The following ESRRB variants were observed in gnomAD, a reference collection of about 807,000 sequenced individuals.
ESRRB encodes steroid hormone receptor ERR2.
A neutral mutation model predicts 46.0 loss-of-function variants in ESRRB; 16 were observed. The observed-to-expected ratio is 0.35, with a 90% CI of 0.24 to 0.53. The LOEUF (loss-of-function observed/expected upper bound fraction) is 0.53. ESRRB is among the 20% of genes least tolerant of loss of function. The pLI is 0.93. For missense variants in ESRRB, 488 were observed against 607.4 expected (o/e 0.80, Z 2.07); for synonymous variants, 246 against 259.6 (o/e 0.95, Z 0.50).
At chr14:76,459,277 G>A (rs569874784) in intron 2 of ESRRB, among the ~76,000 whole-genome samples, 13 of 152,124 alleles carry the variant, frequency 8.5e-5, no homozygotes, top group African/African-American at 1.9e-4. Context: ...CCGTGTGTGC[G>A]CATTGAGCGG....
chr14:76,375,129 C>T (rs574744543), upstream of ESRRB, among the ~76,000 whole-genome samples: 9 of 150,322 alleles, frequency 6.0e-5, no homozygotes, highest in African/African-American at 2.2e-4. Flanking sequence ...GAGGGCTTTT[C>T]CCCCCTTTTA....
At chr14:76,461,266 G>A (rs1423859358) in intron 2 of ESRRB, among the ~76,000 whole-genome samples, 1 of 152,154 alleles carries the variant, frequency 6.6e-6, no homozygotes, top group Non-Finnish European at 1.5e-5. Context: ...TCTGTAAAAT[G>A]GGAATAGTAT....
intron 2 of ESRRB, among the ~76,000 whole-genome samples, chr14:76,448,328 C>CTT (rs33918963): frequency 0.022 from 2,964 of 133,460 alleles, 58 homozygotes; most frequent in African/African-American, 0.025. Flanking sequence ...ATTTACTTAC[C>CTT]TTTTTTTTTT....
chr14:76,444,672 C>T (rs1888057568), intron 2 of ESRRB, among the ~76,000 whole-genome samples: 1 of 152,128 alleles, frequency 6.6e-6, no homozygotes, highest in Admixed American at 6.6e-5. Context: ...GAGGGAGGAG[C>T]CACTGCGCCT....
Position 76,332,561 on chromosome 14 carries a change from ATTTATATAT to A in ESRRB, c.2+21648_2+21656del, listed in dbSNP as rs1207229916. On this transcript the variant is annotated intron_variant, in intron 1 of 6. Coordinates refer to the ESRRB transcript ENST00000512784. ...TATAATATATATTTATATAATATAT[ATTTATATAT>A]TTATATATTATATATTTATATATTA... Among the ~76,000 whole-genome samples, 77 of 17,240 alleles carry A rather than the reference ATTTATATAT, an allele frequency of 4.5e-3. 2 individuals are homozygous for A. The highest frequency in any genetic ancestry group is 7.5e-3 in the Non-Finnish European group (68 of 9,050). The allele number at this position is 17,240 out of a possible 152,430, so 11.3% of individuals were successfully genotyped here.
In ESRRB at chr14:76,376,217, G is replaced by T. The variant is rs1884758215; in HGVS notation, c.-185G>T. 4 of 400,048 alleles carry T rather than the reference G, an allele frequency of 1.0e-5. No individual in the cohort carries two copies. In the Admixed American group the frequency reaches 1.8e-4, roughly 18 times the overall value. The allele number at this position is 400,048 out of a possible 1,614,324, so 24.8% of individuals were successfully genotyped here. ...TCCGGAGCGTGCGGATGAGTGGAGAGCTGGGCTGTGCGCGCACGGCTCTCT... is the reference window on the plus strand; with the variant it reads ...TCCGGAGCGTGCGGATGAGTGGAGATCTGGGCTGTGCGCGCACGGCTCTCT... On this transcript the variant is annotated 5_prime_UTR_variant, in exon 1 of 7. Coordinates refer to ENST00000644823, the MANE Select transcript of ESRRB (RefSeq NM_001379180.1). This position sits in a 1 kb window ranked among gnomAD's most constrained non-coding sequence, Gnocchi z 4.1.
chr14:76,318,933 C>T (rs1246131677), intron 1 of ESRRB, among the ~76,000 whole-genome samples: 1 of 152,206 alleles, frequency 6.6e-6, no homozygotes, highest in East Asian at 1.9e-4. Context: ...CAAGCATCTA[C>T]AGGTGGTTTA....
intron 2 of ESRRB, among the ~76,000 whole-genome samples, chr14:76,456,915 T>G (rs1238026316): frequency 2.6e-5 from 4 of 152,076 alleles, no homozygotes; most frequent in Non-Finnish European, 5.9e-5. Flanking sequence ...TGGAACTGAG[T>G]GACCATCACC....
intron 6 of ESRRB, among the ~76,000 whole-genome samples, chr14:76,495,800 T>A (rs1467813588): frequency 1.3e-5 from 2 of 152,106 alleles, no homozygotes; most frequent in African/African-American, 2.4e-5. Context: ...ATGAGCCAAA[T>A]TTTTAAATTT....
At chr14:76,393,571 C>T (rs532848287) in intron 1 of ESRRB, among the ~76,000 whole-genome samples, 4 of 152,190 alleles carry the variant, frequency 2.6e-5, no homozygotes, top group South Asian at 2.1e-4. Context: ...TCAGAGCAGT[C>T]ACAGAACACA....
intron 2 of ESRRB, among the ~76,000 whole-genome samples, chr14:76,452,029 C>T (rs1187046319): frequency 6.6e-6 from 1 of 151,776 alleles, no homozygotes; most frequent in Non-Finnish European, 1.5e-5. Flanking sequence ...ACTGCAACCT[C>T]CGCCTGGGTT....
At chr14:76,329,577 C>T (rs1417900651) in intron 1 of ESRRB, among the ~76,000 whole-genome samples, 2 of 152,196 alleles carry the variant, frequency 1.3e-5, no homozygotes, top group Admixed American at 6.5e-5. Context: ...TACGGCTCCG[C>T]GGTGGGGTGG....
At chr14:76,465,033 A>G (rs578002592) in intron 3 of ESRRB, among the ~76,000 whole-genome samples, 1 of 152,228 alleles carries the variant, frequency 6.6e-6, no homozygotes, top group African/African-American at 2.4e-5. Context: ...GCAGGGGGCC[A>G]GGGGCCACTT....
chr14:76,327,588 T>G (rs1883950455), intron 1 of ESRRB, among the ~76,000 whole-genome samples: 1 of 151,998 alleles, frequency 6.6e-6, no homozygotes, highest in Admixed American at 6.6e-5. Context: ...ATACTATAAT[T>G]CCCCCAGAGG....
At chr14:76,483,750 C>T (rs548987507) in intron 5 of ESRRB, among the ~76,000 whole-genome samples, 8 of 152,318 alleles carry the variant, frequency 5.3e-5, no homozygotes, top group African/African-American at 1.4e-4. Context: ...AAGTCAGCTT[C>T]CTGTCTGTAG....
chr14:76,411,556 G>C (rs879810885), intron 1 of ESRRB, among the ~76,000 whole-genome samples: 1 of 152,034 alleles, frequency 6.6e-6, no homozygotes, highest in Non-Finnish European at 1.5e-5. Flanking sequence ...GTGAATCCTC[G>C]CCTGCTTTAT....
At chr14:76,461,776 G>T (rs1404390891) in intron 2 of ESRRB, among the ~76,000 whole-genome samples, 1 of 152,206 alleles carries the variant, frequency 6.6e-6, no homozygotes, top group African/African-American at 2.4e-5. Flanking sequence ...TTCCCAAAGT[G>T]CTGGGATTAC....
chr14:76,383,387 T>C (rs985742983), intron 1 of ESRRB, among the ~76,000 whole-genome samples: 3 of 152,184 alleles, frequency 2.0e-5, no homozygotes, highest in Non-Finnish European at 4.4e-5. Context: ...TTAAAAATGA[T>C]GCCTGATAAA....
rs1887835476 is a variant in ESRRB at position 76,439,673 on chromosome 14, G to C, written c.383G>C (p.Gly128Ala). Residue 128 changes from glycine (G) to alanine (A), a missense_variant, in exon 2 of 7, where the codon GGG (glycine) becomes GCG (alanine). By Grantham distance (60) the Gly-to-Ala change is moderately conservative (BLOSUM62 0). Coordinates refer to ENST00000644823, the MANE Select transcript of ESRRB (RefSeq NM_001379180.1). ...CCCAAGCGCCTGTGCCTCGTGTGCG[G>C]GGACATTGCCTCTGGCTACCACTAC... ...AIPKRLCLVCGDIASGYHYGV... is the reference protein window; with the variant it reads ...AIPKRLCLVCADIASGYHYGV... The C allele has an allele frequency of 6.2e-7, 1 of 1,614,226 alleles. No homozygotes were observed. Among genetic ancestry groups the C allele is most frequent in the African/African-American group, 1.3e-5 (1 of 75,056 alleles).
Sources: gnomAD v4.1 joint callset for allele counts (sites outside exome capture counted in the v4.1 genomes callset) on GRCh38, gnomAD v4.1.1 for gene constraint, Gnocchi (gnomAD v3.1) non-coding constraint, MANE v1.5 for transcripts, NCBI Gene and HGNC (gene_info 2026-07-23, HGNC 2026-07-21) for gene names.